Variants in CNTNAP5 observed in about 807,000 individuals in gnomAD.
CNTNAP5 encodes contactin-associated protein-like 5.
CNTNAP5 carries 72 observed loss-of-function variants against 150.2 expected under a neutral mutation model. That is an observed-to-expected ratio of 0.48 (90% CI 0.40 to 0.58). The LOEUF (loss-of-function observed/expected upper bound fraction) is 0.58. Ranked by LOEUF, CNTNAP5 falls within the 20% of genes least tolerant of loss-of-function variation. The pLI, the probability that CNTNAP5 is intolerant of heterozygous loss-of-function variation, is 0.00. For missense variants in CNTNAP5, 1,636 were observed against 1,626.2 expected, an observed-to-expected ratio of 1.01 and a Z score of -0.10; for synonymous variants, 672 against 619.8, an observed-to-expected ratio of 1.08 and a Z score of -1.25.
At chr2:124,723,471 C>A (rs1351591551) in intron 13 of CNTNAP5, among the ~76,000 whole-genome samples, 2 of 152,154 alleles carry the variant, frequency 1.3e-5, no homozygotes, top group Non-Finnish European at 2.9e-5. Context: ...CTTGTCTAGC[C>A]TTTGCATATT....
At chr2:124,066,585 G>A (rs1165114739) in intron 1 of CNTNAP5, among the ~76,000 whole-genome samples, 1 of 151,968 alleles carries the variant, frequency 6.6e-6, no homozygotes, top group East Asian at 1.9e-4. Context: ...TCAGACACTT[G>A]ATTTCTCCTT....
At chr2:124,262,427 T>C (rs1207662680) in intron 3 of CNTNAP5, among the ~76,000 whole-genome samples, 1 of 152,234 alleles carries the variant, frequency 6.6e-6, no homozygotes, top group African/African-American at 2.4e-5. Flanking sequence ...GAGTTTTCTA[T>C]GACAAGCGTC....
At chr2:124,142,307 A>AATAT (rs1684135372) in intron 1 of CNTNAP5, among the ~76,000 whole-genome samples, 1 of 137,264 alleles carries the variant, frequency 7.3e-6, no homozygotes, top group Non-Finnish European at 1.6e-5. Context: ...ACATCTACAG[A>AATAT]ACTCTCCACC....
At chr2:124,107,380 A>G (rs558974044) in intron 1 of CNTNAP5, among the ~76,000 whole-genome samples, 6 of 152,312 alleles carry the variant, frequency 3.9e-5, no homozygotes, top group African/African-American at 1.2e-4. Context: ...GGAAAGGGAA[A>G]TCTGGAAAAT....
At chr2:124,220,885 C>A (rs557424158) in intron 1 of CNTNAP5, among the ~76,000 whole-genome samples, 10 of 152,208 alleles carry the variant, frequency 6.6e-5, no homozygotes, top group Middle Eastern at 3.4e-3. Context: ...AAAATTCCAA[C>A]CATGGCAACA....
chr2:124,321,867 C>T (rs752389883), intron 3 of CNTNAP5, among the ~76,000 whole-genome samples: 14 of 152,058 alleles, frequency 9.2e-5, no homozygotes, highest in East Asian at 1.9e-4. Context: ...ATGCTTATAT[C>T]GGCCAGGTGA....
intron 6 of CNTNAP5, among the ~76,000 whole-genome samples, chr2:124,462,403 G>A (rs541874069): frequency 6.6e-6 from 1 of 152,254 alleles, no homozygotes; most frequent in East Asian, 1.9e-4. Context: ...TTTTATGTGA[G>A]TGAAATAAGA....
intron 2 of CNTNAP5, among the ~76,000 whole-genome samples, chr2:124,223,135 C>T (rs1686367986): frequency 1.3e-5 from 2 of 152,110 alleles, no homozygotes; most frequent in Admixed American, 6.6e-5. Context: ...GTTCCTGAGG[C>T]ATCAGTTTCC....
At chr2:124,896,427 A>G (rs1678305913) in intron 21 of CNTNAP5, among the ~76,000 whole-genome samples, 1 of 151,624 alleles carries the variant, frequency 6.6e-6, no homozygotes, top group Non-Finnish European at 1.5e-5. Context: ...ATGTGAATGA[A>G]GTCTTGAAAA....
At chr2:124,048,870 T>C (rs1681614205) in intron 1 of CNTNAP5, among the ~76,000 whole-genome samples, 1 of 152,206 alleles carries the variant, frequency 6.6e-6, no homozygotes, top group Non-Finnish European at 1.5e-5. Flanking sequence ...CCTTGAAGAA[T>C]ATCACTAAGG....
intron 3 of CNTNAP5, among the ~76,000 whole-genome samples, chr2:124,333,433 C>T (rs1689397388): frequency 6.6e-6 from 1 of 152,142 alleles, no homozygotes; most frequent in Admixed American, 6.5e-5. Context: ...AGGAAATTTA[C>T]ATATCATCAG....
At chr2:124,604,025 G>A (rs1322419398) in intron 11 of CNTNAP5, among the ~76,000 whole-genome samples, 3 of 151,974 alleles carry the variant, frequency 2.0e-5, no homozygotes, top group Non-Finnish European at 4.4e-5. Flanking sequence ...ACTTTTCATG[G>A]TCCCAAAATT....
chr2:124,428,435 T>TA, intron 4 of CNTNAP5, among the ~76,000 whole-genome samples: 1 of 152,092 alleles, frequency 6.6e-6, no homozygotes, highest in South Asian at 2.1e-4. Flanking sequence ...ACCACAAAAA[T>TA]AAAAAAGGAT....
intron 3 of CNTNAP5, among the ~76,000 whole-genome samples, chr2:124,330,182 G>A (rs1689315036): frequency 6.6e-6 from 1 of 151,886 alleles, no homozygotes; most frequent in Non-Finnish European, 1.5e-5. Context: ...GGTTTCCAGG[G>A]GCTTCTATAG....
chr2:124,118,012 C>T (rs1266221994), intron 1 of CNTNAP5, among the ~76,000 whole-genome samples: 12 of 152,056 alleles, frequency 7.9e-5, no homozygotes, highest in African/African-American at 2.7e-4. Flanking sequence ...CAGAAGCATA[C>T]ATTTAAAAAA....
rs1385969126 is a variant in CNTNAP5 at position 124,452,980 on chromosome 2, C to T, written c.918+6043C>T. Among the ~76,000 whole-genome samples the T allele has an allele frequency of 2.6e-5, 4 of 152,092 alleles. 1 individual carries two copies. The highest frequency in any genetic ancestry group is 9.7e-5 in the African/African-American group (4 of 41,394). ...ACAAAACAATGTTCTTTAACACCCC[C>T]CAAAAAAATTACACTAGCTTTCCAG... On this transcript the variant is annotated intron_variant, in intron 6 of 23. Transcript: ENST00000682447.
chr2:124,870,276 T>C (rs1161005592), intron 21 of CNTNAP5, among the ~76,000 whole-genome samples: 2 of 152,020 alleles, frequency 1.3e-5, no homozygotes, highest in African/African-American at 4.8e-5. Flanking sequence ...TTTATCACAC[T>C]TAAGTGACCT....
At chr2:124,202,863 T>C (rs922106799) in intron 1 of CNTNAP5, among the ~76,000 whole-genome samples, 2 of 152,114 alleles carry the variant, frequency 1.3e-5, no homozygotes, top group African/African-American at 4.8e-5. Flanking sequence ...TTATGGGAGC[T>C]ACAATTCAAG....
At chr2:124,764,213 C>G in intron 16 of CNTNAP5, 66 bp downstream of exon 16, 5 of 1,310,984 alleles carry the variant, frequency 3.8e-6, no homozygotes, top group Non-Finnish European at 4.4e-6. Context: ...TTGTTTTTGC[C>G]ACCAGTCACT....
Sources: allele counts gnomAD v4.1 joint callset (sites outside exome capture counted in the v4.1 genomes callset), GRCh38; gene constraint gnomAD v4.1.1; transcripts MANE v1.5; gene names NCBI Gene and HGNC (gene_info 2026-07-23, HGNC 2026-07-21).